Variants in FBXL17 observed in about 807,000 individuals in gnomAD.
The protein encoded by FBXL17 is F-box/LRR-repeat protein 17.
A neutral mutation model predicts 66.2 loss-of-function variants in FBXL17; 22 were observed. The ratio of observed to expected loss-of-function variants is 0.33; its 90% CI spans 0.24 to 0.47. FBXL17 has a LOEUF of 0.47. Ranked by LOEUF, FBXL17 falls within the 20% of genes least tolerant of loss-of-function variation. The pLI is 1.00. For missense variants in FBXL17, 878 were observed against 948.2 expected, an observed-to-expected ratio of 0.93 and a Z score of 0.97; for synonymous variants, 474 against 400.5, an observed-to-expected ratio of 1.18 and a Z score of -2.19.
rs1456052737 is a variant in FBXL17, at chr5:107,871,069, A to AAAAAAAAAAAAAAAAAAAAAAC, written c.1966-9210_1966-9209insGTTTTTTTTTTTTTTTTTTTTT. The stretch of plus-strand genomic sequence containing the variant: ...TACTCTTGGGCGGCAAAAAAAAAAA[A>AAAAAAAAAAAAAAAAAAAAAAC]AAAAAAAAAACCTCATCTAAAAATC... On this transcript the variant is annotated intron_variant, in intron 8 of 8. Transcript: ENST00000542267. Among the ~76,000 whole-genome samples, 7 of 130,174 alleles carry AAAAAAAAAAAAAAAAAAAAAAC rather than the reference A, an allele frequency of 5.4e-5. 1 individual carries two copies. The highest frequency in any genetic ancestry group is 1.6e-4 in the African/African-American group (5 of 31,082). The allele number at this position is 130,174 out of a possible 152,430, so 85.4% of individuals were successfully genotyped here.
intron 5 of FBXL17, among the ~76,000 whole-genome samples, chr5:108,204,693 C>T (rs1011675660): frequency 1.3e-5 from 2 of 152,076 alleles, no homozygotes; most frequent in African/African-American, 2.4e-5. Flanking sequence ...TATGTTAATA[C>T]ATATTATCCT....
intron 7 of FBXL17, among the ~76,000 whole-genome samples, chr5:107,944,958 A>T (rs1316831599): frequency 6.6e-6 from 1 of 152,112 alleles, no homozygotes; most frequent in Non-Finnish European, 1.5e-5. Context: ...TCATTGAGAT[A>T]ACATAATAAA....
At chr5:108,333,148 G>GTATATA (rs145030445) in intron 4 of FBXL17, among the ~76,000 whole-genome samples, 19,451 of 136,288 alleles carry the variant, frequency 0.14, 1,606 homozygotes, top group Non-Finnish European at 0.15. Flanking sequence ...AGAAATACCA[G>GTATATA]TATATATATA....
intron 4 of FBXL17, among the ~76,000 whole-genome samples, chr5:108,235,604 G>T (rs920126696): frequency 6.6e-5 from 10 of 152,152 alleles, no homozygotes; most frequent in Admixed American, 6.5e-4. Context: ...ATGTCAGTCT[G>T]CTATTCAAAA....
At chr5:108,002,300 A>T (rs1753762821) in intron 7 of FBXL17, among the ~76,000 whole-genome samples, 1 of 150,628 alleles carries the variant, frequency 6.6e-6, no homozygotes. Flanking sequence ...CTGGGATTAC[A>T]GGCACAAGCC....
chr5:107,942,500 T>G (rs1580733077), intron 7 of FBXL17, among the ~76,000 whole-genome samples: 1 of 152,292 alleles, frequency 6.6e-6, no homozygotes, highest in Admixed American at 6.5e-5. Flanking sequence ...CACAAATGGC[T>G]CACTCAAACC....
At chr5:107,897,798 A>T (rs1749431692) in intron 7 of FBXL17, among the ~76,000 whole-genome samples, 1 of 152,118 alleles carries the variant, frequency 6.6e-6, no homozygotes, top group South Asian at 2.1e-4. Flanking sequence ...TAAAAAAAAA[A>T]AGCTGTGAAA....
chr5:108,330,286 T>G (rs904749164), intron 4 of FBXL17, among the ~76,000 whole-genome samples: 2 of 152,220 alleles, frequency 1.3e-5, no homozygotes, highest in African/African-American at 4.8e-5. Context: ...GTGATAACTT[T>G]TTTCCATTAA....
At chr5:107,871,648 T>A (rs1210087264) in intron 8 of FBXL17, among the ~76,000 whole-genome samples, 3 of 151,738 alleles carry the variant, frequency 2.0e-5, no homozygotes, top group Non-Finnish European at 4.4e-5. Flanking sequence ...GTGGTGCAGA[T>A]GAGAACCAGA....
At chr5:107,868,934 C>T (rs1328342661) in intron 8 of FBXL17, among the ~76,000 whole-genome samples, 2 of 152,114 alleles carry the variant, frequency 1.3e-5, no homozygotes, top group African/African-American at 4.8e-5. Flanking sequence ...AATGTTTCTC[C>T]CACCCCATCC....
At position 108,382,002 on chromosome 5, in the gene FBXL17, C is replaced by G; in HGVS notation, c.-311G>C. ...GGCGACCAGTCCGGGCCCGGCCAGC[C>G]GGCTCAGTCAGTCAGCGGAGCGGCC... is the stretch of plus-strand genomic sequence containing the variant. On this transcript the variant is annotated 5_prime_UTR_variant, in exon 1 of 9. Transcript: ENST00000542267. The G allele has an allele frequency of 8.7e-7, 1 of 1,155,740 alleles. No homozygotes were observed. The highest frequency in any genetic ancestry group is 3.9e-5 in the East Asian group (1 of 25,460). 71.6% of individuals were successfully genotyped at this position (1,155,740 alleles called of 1,614,324 possible).
At chr5:108,280,937 A>G (rs1364350369) in intron 4 of FBXL17, among the ~76,000 whole-genome samples, 2 of 151,732 alleles carry the variant, frequency 1.3e-5, no homozygotes, top group Non-Finnish European at 3.0e-5. Context: ...GGGGGGATAT[A>G]ATAATAAAGG....
At chr5:107,959,319 G>C (rs1751797156) in intron 7 of FBXL17, among the ~76,000 whole-genome samples, 1 of 150,430 alleles carries the variant, frequency 6.6e-6, no homozygotes, top group African/African-American at 2.5e-5. Flanking sequence ...TTTACTTTTG[G>C]TAATACAGAA....
At chr5:108,321,685 C>T (rs765046682) in intron 4 of FBXL17, among the ~76,000 whole-genome samples, 15 of 147,958 alleles carry the variant, frequency 1.0e-4, no homozygotes, top group Non-Finnish European at 1.8e-4. Context: ...AGCCAAAAAA[C>T]AAAAAAGTGG....
At chr5:108,358,122 C>T (rs1318093090) in intron 3 of FBXL17, among the ~76,000 whole-genome samples, 1 of 151,994 alleles carries the variant, frequency 6.6e-6, no homozygotes, top group South Asian at 2.1e-4. Flanking sequence ...ATGTCATCTT[C>T]GAATACAAAT....
At chr5:107,879,322 T>C (rs1438379019) in intron 8 of FBXL17, 1 of 985,482 alleles carries the variant, frequency 1.0e-6, no homozygotes. Context: ...CTGCTGTCAT[T>C]GATTCCTGTT....
chr5:108,163,399 C>CTTTTTTTTTTTTTTTTTTTTTTTTTT (rs764052812), intron 6 of FBXL17, among the ~76,000 whole-genome samples: 1 of 129,540 alleles, frequency 7.7e-6, no homozygotes. Context: ...TTTTTTTTTT[C>CTTTTTTTTTTTTTTTTTTTTTTTTTT]TTTTTTTTTT....
intron 6 of FBXL17, among the ~76,000 whole-genome samples, chr5:108,036,056 G>A (rs765019358): frequency 6.6e-6 from 1 of 152,192 alleles, no homozygotes; most frequent in Non-Finnish European, 1.5e-5. Context: ...TAATCCAGGA[G>A]AAAGAATGAG....
At chr5:108,205,828 C>T (rs941832485) in intron 5 of FBXL17, among the ~76,000 whole-genome samples, 4 of 152,082 alleles carry the variant, frequency 2.6e-5, no homozygotes, top group Non-Finnish European at 5.9e-5. Flanking sequence ...CTCCCGGTCC[C>T]GGGTTTCAAG....
Sources: gnomAD v4.1 joint callset for allele counts (sites outside exome capture counted in the v4.1 genomes callset) on GRCh38, gnomAD v4.1.1 for gene constraint, MANE v1.5 for transcripts, NCBI Gene and HGNC (gene_info 2026-07-23, HGNC 2026-07-21) for gene names.